GPCPD1: variants seen among roughly 807,000 people sequenced by gnomAD.
GPCPD1 encodes glycerophosphocholine phosphodiesterase 1.
A neutral mutation model predicts 89.2 loss-of-function variants in GPCPD1; 29 were observed. The observed-to-expected ratio is 0.33, with a 90% CI of 0.24 to 0.44. GPCPD1 has a LOEUF of 0.44. Ranked by LOEUF, GPCPD1 falls within the 20% of genes least tolerant of loss-of-function variation. The pLI, the probability that GPCPD1 is intolerant of heterozygous loss-of-function variation, is 1.00. For missense variants in GPCPD1, 594 were observed against 808.9 expected (o/e 0.73, Z 3.22); for synonymous variants, 258 against 266.3 (o/e 0.97, Z 0.30).
intron 19 of GPCPD1, chr20:5,549,315 T>C: frequency 9.9e-7 from 1 of 1,011,914 alleles, no homozygotes; most frequent in Non-Finnish European, 1.5e-6. Flanking sequence ...GGTGATAAGA[T>C]AGCAGTATGG....
chr20:5,609,895 G>A (rs987760630), intron 1 of GPCPD1, among the ~76,000 whole-genome samples: 1 of 150,748 alleles, frequency 6.6e-6, no homozygotes, highest in Non-Finnish European at 1.5e-5. Context: ...TCTTAGTTAA[G>A]TCACAGCTCG....
intron 6 of GPCPD1, 132 bp downstream of exon 6, chr20:5,584,145 CCTGT>C (rs1256250479): frequency 3.9e-6 from 2 of 515,804 alleles, no homozygotes; most frequent in Non-Finnish European, 3.6e-6. Flanking sequence ...GCACGTGTGG[CCTGT>C]CTTTGACCAA....
At chr20:5,586,602 T>C (rs554630477) in intron 4 of GPCPD1, among the ~76,000 whole-genome samples, 2 of 152,344 alleles carry the variant, frequency 1.3e-5, no homozygotes, top group South Asian at 2.1e-4. Flanking sequence ...AAGATAAATA[T>C]CATATATACT....
At chr20:5,589,088 T>A (rs957941413) in intron 4 of GPCPD1, among the ~76,000 whole-genome samples, 6 of 152,134 alleles carry the variant, frequency 3.9e-5, no homozygotes, top group Non-Finnish European at 7.4e-5. Context: ...TAAAACCACC[T>A]AGACTTGAAT....
intron 4 of GPCPD1, among the ~76,000 whole-genome samples, chr20:5,589,732 T>C (rs771402499): frequency 6.6e-6 from 1 of 152,212 alleles, no homozygotes. Flanking sequence ...TTCTAATACA[T>C]TATCTGTAAT....
Position 5,546,518 on chromosome 20 carries a change from G to A in GPCPD1, c.*1143C>T, listed in dbSNP as rs369900501. 4.9e-4 allele frequency: 74 copies of A among 152,270 alleles called. No homozygotes were observed. The highest frequency in any genetic ancestry group is 1.7e-3 in the African/African-American group (69 of 41,546). 9.4% of individuals were successfully genotyped at this position (152,270 alleles called of 1,614,324 possible). On this transcript the variant is annotated 3_prime_UTR_variant, in exon 20 of 20. Coordinates refer to ENST00000379019, the MANE Select transcript of GPCPD1 (RefSeq NM_019593.5). The stretch of plus-strand genomic sequence containing the variant: ...TTTAACATTCATTCTTTAAGTTACA[G>A]TTAACACAATCTGCTTCTAATCCAA...
At chr20:5,567,748 C>A (rs1287334044) in intron 12 of GPCPD1, 188 bp from the exon 13 acceptor site, 1 of 470,594 alleles carries the variant, frequency 2.1e-6, no homozygotes, top group Non-Finnish European at 3.6e-6. Flanking sequence ...CTAACACCAC[C>A]TCCCAGCCCT....
chr20:5,599,233 G>A (rs1014632113), intron 2 of GPCPD1, among the ~76,000 whole-genome samples: 3 of 152,134 alleles, frequency 2.0e-5, no homozygotes, highest in African/African-American at 7.2e-5. Context: ...TCAAACAGTA[G>A]CTACTAATAA....
At chr20:5,605,102 G>C (rs1035405372) in intron 1 of GPCPD1, among the ~76,000 whole-genome samples, 3 of 152,156 alleles carry the variant, frequency 2.0e-5, no homozygotes, top group Admixed American at 6.5e-5. Flanking sequence ...TAGCAAGTTT[G>C]AAGCCTAGTG....
intron 15 of GPCPD1, among the ~76,000 whole-genome samples, chr20:5,563,068 C>T (rs1024969500): frequency 2.6e-5 from 4 of 151,598 alleles, no homozygotes; most frequent in East Asian, 1.9e-4. Flanking sequence ...CTGCAAGCTC[C>T]GCCTCCTGAG....
intron 3 of GPCPD1, among the ~76,000 whole-genome samples, chr20:5,596,476 G>A (rs1173778994): frequency 6.6e-6 from 1 of 152,166 alleles, no homozygotes; most frequent in Non-Finnish European, 1.5e-5. Context: ...CAGGAAAGAC[G>A]GGTAGTCATA....
intron 11 of GPCPD1, among the ~76,000 whole-genome samples, chr20:5,573,229 C>T (rs1337396893): frequency 2.0e-5 from 3 of 152,004 alleles, no homozygotes; most frequent in African/African-American, 7.3e-5. Flanking sequence ...GGATAACAGG[C>T]GCGGGCCACC....
intron 19 of GPCPD1, among the ~76,000 whole-genome samples, chr20:5,551,706 G>C (rs1425806288): frequency 6.6e-6 from 1 of 152,170 alleles, no homozygotes; most frequent in East Asian, 1.9e-4. Flanking sequence ...CTTGAACCCA[G>C]GTTGCAGTGA....
At chr20:5,573,278 G>T (rs892625691) in intron 11 of GPCPD1, among the ~76,000 whole-genome samples, 3 of 152,018 alleles carry the variant, frequency 2.0e-5, no homozygotes, top group African/African-American at 7.3e-5. Context: ...TACAGGCTGG[G>T]TTTCACCATG....
chr20:5,572,118 C>T (rs1275075989), intron 11 of GPCPD1, among the ~76,000 whole-genome samples: 1 of 151,766 alleles, frequency 6.6e-6, no homozygotes, highest in African/African-American at 2.4e-5. Context: ...ACTTGAGAGG[C>T]CAAAGCAGGA....
At chr20:5,563,046 G>A (rs897033293) in intron 15 of GPCPD1, among the ~76,000 whole-genome samples, 8 of 150,866 alleles carry the variant, frequency 5.3e-5, no homozygotes, top group Admixed American at 1.3e-4. Context: ...GCAGTGGCGC[G>A]ATCTCGGCTC....
chr20:5,551,471 C>T (rs538303295), intron 19 of GPCPD1, among the ~76,000 whole-genome samples: 1 of 152,164 alleles, frequency 6.6e-6, no homozygotes, highest in Admixed American at 6.5e-5. Flanking sequence ...TGGCAGCAAC[C>T]TAAATGTTCC....
intron 17 of GPCPD1, among the ~76,000 whole-genome samples, chr20:5,559,460 G>A (rs1013151838): frequency 6.6e-6 from 1 of 152,072 alleles, no homozygotes; most frequent in Non-Finnish European, 1.5e-5. Flanking sequence ...TGGCACACAC[G>A]TGCAGTCCCA....
At chr20:5,558,191 A>C (rs1212882257) in intron 18 of GPCPD1, 86 bp from the exon 19 acceptor site, 16 of 729,820 alleles carry the variant, frequency 2.2e-5, no homozygotes, top group Non-Finnish European at 3.3e-5. Context: ...TGCTCTCCAA[A>C]GTACAGCAGG....
Sources: gnomAD v4.1 joint callset for allele counts (sites outside exome capture counted in the v4.1 genomes callset) on GRCh38, gnomAD v4.1.1 for gene constraint, MANE v1.5 for transcripts, NCBI Gene and HGNC (gene_info 2026-07-23, HGNC 2026-07-21) for gene names.